EHBP1: variants seen among roughly 807,000 people sequenced by gnomAD.
The protein encoded by EHBP1 is EH domain binding protein 1, also known as EH domain-binding protein 1.
Under a neutral mutation model 144.0 loss-of-function variants are expected in EHBP1, and 55 were observed. The observed-to-expected ratio is 0.38, with a 90% CI of 0.31 to 0.48. The LOEUF is 0.48. Among genes scored for constraint, EHBP1 ranks in the 20% least tolerant of loss-of-function variants. The pLI is 0.98. For missense variants in EHBP1, 1,200 were observed against 1,364.2 expected, an observed-to-expected ratio of 0.88 and a Z score of 1.90; for synonymous variants, 469 against 472.7, an observed-to-expected ratio of 0.99 and a Z score of 0.10.
intron 15 of EHBP1, among the ~76,000 whole-genome samples, chr2:62,989,810 TAA>T (rs1176440133): frequency 2.0e-5 from 3 of 152,160 alleles, no homozygotes; most frequent in Non-Finnish European, 4.4e-5. Context: ...CATATGTATA[TAA>T]GTCATAAGGT....
intron 10 of EHBP1, among the ~76,000 whole-genome samples, chr2:62,933,246 T>C (rs767276726): frequency 5.9e-5 from 9 of 152,128 alleles, no homozygotes; most frequent in Non-Finnish European, 1.2e-4. Context: ...ACATTGTTTT[T>C]CATTTTTTCC....
At chr2:63,022,580 G>T (rs1398685914) in intron 19 of EHBP1, among the ~76,000 whole-genome samples, 3 of 152,108 alleles carry the variant, frequency 2.0e-5, no homozygotes, top group African/African-American at 4.8e-5. Context: ...CTCCCAAAGT[G>T]CTGGGATCAC....
chr2:62,730,495 T>C (rs2037404398), intron 2 of EHBP1, among the ~76,000 whole-genome samples: 1 of 152,214 alleles, frequency 6.6e-6, no homozygotes, highest in Non-Finnish European at 1.5e-5. Flanking sequence ...TTCTTTTCCA[T>C]GAGTAAATAA....
chr2:62,746,759 T>C (rs1387946693), intron 2 of EHBP1, among the ~76,000 whole-genome samples: 1 of 152,036 alleles, frequency 6.6e-6, no homozygotes, highest in Non-Finnish European at 1.5e-5. Context: ...TAGTGGAAGA[T>C]AGAGAAGAGA....
intron 2 of EHBP1, among the ~76,000 whole-genome samples, chr2:62,740,303 G>C (rs1033740157): frequency 6.6e-6 from 1 of 152,130 alleles, no homozygotes; most frequent in Non-Finnish European, 1.5e-5. Flanking sequence ...TTACAGAAAA[G>C]AAATATATCC....
intron 19 of EHBP1, 142 bp downstream of exon 19, chr2:62,996,908 A>C: frequency 3.3e-6 from 4 of 1,200,868 alleles, no homozygotes; most frequent in Non-Finnish European, 4.6e-6. Flanking sequence ...ATTTGCAGCC[A>C]CCTCTCTGGG....
At chr2:62,996,845 A>G in intron 19 of EHBP1, 79 bp downstream of exon 19, 1 of 1,562,384 alleles carries the variant, frequency 6.4e-7, no homozygotes, top group East Asian at 2.3e-5. Context: ...GGAAGTGTGA[A>G]TCTTTGAAGC....
intron 2 of EHBP1, among the ~76,000 whole-genome samples, chr2:62,721,613 G>T (rs532169252): frequency 6.6e-6 from 1 of 152,236 alleles, no homozygotes; most frequent in South Asian, 2.1e-4. Flanking sequence ...TAAAGTTTTG[G>T]TCACCAATTT....
chr2:62,961,820 C>A (rs769570798), intron 14 of EHBP1, among the ~76,000 whole-genome samples: 17 of 151,800 alleles, frequency 1.1e-4, no homozygotes, highest in Non-Finnish European at 2.1e-4. Flanking sequence ...GGCAGATCAC[C>A]TGAGGTCAGG....
At chr2:62,862,921 A>C (rs2049700986) in intron 8 of EHBP1, among the ~76,000 whole-genome samples, 1 of 152,178 alleles carries the variant, frequency 6.6e-6, no homozygotes. Flanking sequence ...ACATAAAAAA[A>C]AAAGCCTCGT....
chr2:62,993,497 G>A, intron 16 of EHBP1, 33 bp from the exon 17 acceptor site: 1 of 1,462,662 alleles, frequency 6.8e-7, no homozygotes, highest in Non-Finnish European at 9.1e-7. Context: ...TATGAGATCA[G>A]GACTCTCTTA....
At chr2:63,044,264 A>G (rs1378451010) in intron 21 of EHBP1, 1 of 148,054 alleles carries the variant, frequency 6.8e-6, no homozygotes, top group East Asian at 2.0e-4. Context: ...AAACCTTCAA[A>G]AAAAAAAAAA....
chr2:62,714,499 G>C (rs1485877537), intron 2 of EHBP1, among the ~76,000 whole-genome samples: 1 of 152,196 alleles, frequency 6.6e-6, no homozygotes, highest in Non-Finnish European at 1.5e-5. Flanking sequence ...TTTTCTGGCT[G>C]TGTGACCTTG....
intron 14 of EHBP1, among the ~76,000 whole-genome samples, chr2:62,973,176 G>T (rs1471889795): frequency 1.3e-5 from 2 of 152,032 alleles, no homozygotes; most frequent in Admixed American, 6.6e-5. Context: ...AAATTAGGTT[G>T]CCATTTCATA....
intron 5 of EHBP1, among the ~76,000 whole-genome samples, chr2:62,797,526 G>A (rs756062468): frequency 7.2e-5 from 11 of 152,136 alleles, no homozygotes; most frequent in Non-Finnish European, 1.6e-4. Flanking sequence ...CTGTGTTAAT[G>A]AATAAATAAA....
At chr2:62,895,923 G>A (rs1402238651) in intron 10 of EHBP1, among the ~76,000 whole-genome samples, 2 of 152,124 alleles carry the variant, frequency 1.3e-5, no homozygotes, top group African/African-American at 4.8e-5. Context: ...AAAATATTGA[G>A]TACTGAACTG....
At chr2:62,857,691 C>G (rs1290867592) in intron 7 of EHBP1, among the ~76,000 whole-genome samples, 1 of 152,044 alleles carries the variant, frequency 6.6e-6, no homozygotes, top group Non-Finnish European at 1.5e-5. Context: ...AATTTTCACC[C>G]AATGAGTGAT....
intron 15 of EHBP1, among the ~76,000 whole-genome samples, chr2:62,980,404 A>G (rs180854515): frequency 6.6e-6 from 1 of 152,268 alleles, no homozygotes; most frequent in Admixed American, 6.5e-5. Flanking sequence ...CCAGGTTCTT[A>G]ATAGGCCACA....
intron 6 of EHBP1, among the ~76,000 whole-genome samples, chr2:62,828,784 A>T (rs549255066): frequency 3.2e-4 from 48 of 152,326 alleles, no homozygotes; most frequent in Admixed American, 7.8e-4. Flanking sequence ...TGTTTTTGAA[A>T]CAAGTTTTTG....
Sources: allele counts gnomAD v4.1 joint callset (sites outside exome capture counted in the v4.1 genomes callset), GRCh38; gene constraint gnomAD v4.1.1; transcripts MANE v1.5; gene names NCBI Gene and HGNC (gene_info 2026-07-23, HGNC 2026-07-21).